NCAM2: variants seen among roughly 807,000 people sequenced by gnomAD.
The protein encoded by NCAM2 is N-CAM-2.
A neutral mutation model predicts 98.1 loss-of-function variants in NCAM2; 30 were observed. The observed-to-expected ratio is 0.31, with a 90% CI of 0.23 to 0.41. The LOEUF (loss-of-function observed/expected upper bound fraction) is 0.41. NCAM2 is among the 10% of genes least tolerant of loss of function. The pLI is 1.00. For synonymous variants in NCAM2, 368 were observed against 342.4 expected (o/e 1.07, Z -0.83); for missense variants, 867 against 1,005.8 (o/e 0.86, Z 1.87).
intron 1 of NCAM2, among the ~76,000 whole-genome samples, chr21:21,062,650 A>G (rs1212446882): frequency 6.6e-6 from 1 of 152,180 alleles, no homozygotes; most frequent in Non-Finnish European, 1.5e-5. Context: ...GGTACTTTGT[A>G]ATGGCAGTCC....
At chr21:21,216,627 A>G (rs543398716) in intron 1 of NCAM2, among the ~76,000 whole-genome samples, 2 of 152,300 alleles carry the variant, frequency 1.3e-5, no homozygotes, top group South Asian at 4.1e-4. Context: ...GTCCTTAGCC[A>G]GGGGCTGAAC....
chr21:21,458,247 A>T (rs1387303581), intron 12 of NCAM2, among the ~76,000 whole-genome samples: 3 of 152,214 alleles, frequency 2.0e-5, no homozygotes. Context: ...GTGCCCCTTC[A>T]GAGAACATAG....
intron 15 of NCAM2, among the ~76,000 whole-genome samples, chr21:21,508,232 A>C (rs1020877612): frequency 6.6e-6 from 1 of 152,132 alleles, no homozygotes; most frequent in African/African-American, 2.4e-5. Context: ...CTTTAATCTA[A>C]TATATTTGTT....
chr21:21,008,871 A>G (rs1282522331), intron 1 of NCAM2, among the ~76,000 whole-genome samples: 1 of 152,132 alleles, frequency 6.6e-6, no homozygotes, highest in Non-Finnish European at 1.5e-5. Context: ...CTCATTGCTC[A>G]TTACTGTGCA....
chr21:21,496,205 A>G (rs1182742097), intron 15 of NCAM2, among the ~76,000 whole-genome samples: 1 of 151,856 alleles, frequency 6.6e-6, no homozygotes, highest in African/African-American at 2.4e-5. Flanking sequence ...TGCTTTCCTC[A>G]GTGGCTGGAC....
chr21:21,490,474 C>T (rs765543178), intron 15 of NCAM2, among the ~76,000 whole-genome samples: 4 of 151,798 alleles, frequency 2.6e-5, no homozygotes, highest in Non-Finnish European at 5.9e-5. Context: ...TTCAATTAGT[C>T]TTTATCATTT....
intron 1 of NCAM2, among the ~76,000 whole-genome samples, chr21:21,149,058 T>TAATA (rs1555891706): frequency 6.6e-6 from 1 of 152,194 alleles, no homozygotes; most frequent in African/African-American, 2.4e-5. Context: ...TGGACTCTGT[T>TAATA]ATGTTCCATG....
intron 1 of NCAM2, among the ~76,000 whole-genome samples, chr21:21,241,797 A>G (rs540097082): frequency 2.0e-4 from 31 of 152,234 alleles, no homozygotes; most frequent in Non-Finnish European, 4.0e-4. Flanking sequence ...CATAGAGAAC[A>G]TTTTGGTTTT....
At chr21:21,008,045 C>A (rs2064142516) in intron 1 of NCAM2, among the ~76,000 whole-genome samples, 1 of 152,086 alleles carries the variant, frequency 6.6e-6, no homozygotes, top group South Asian at 2.1e-4. Context: ...TTTCTATGTT[C>A]TAGCAGTAAC....
intron 16 of NCAM2, among the ~76,000 whole-genome samples, chr21:21,532,748 TA>T (rs1329526541): frequency 2.6e-5 from 4 of 152,112 alleles, no homozygotes; most frequent in African/African-American, 9.7e-5. Context: ...CAGAATTTTT[TA>T]AAAGAATCAA....
At chr21:21,071,286 A>C (rs538672430) in intron 1 of NCAM2, among the ~76,000 whole-genome samples, 59 of 152,194 alleles carry the variant, frequency 3.9e-4, no homozygotes, top group Non-Finnish European at 7.3e-4. Context: ...ACAAATGAGA[A>C]ACATGTGCCT....
intron 1 of NCAM2, chr21:21,226,801 C>A (rs550659159): frequency 2.6e-5 from 4 of 152,110 alleles, no homozygotes; most frequent in South Asian, 4.1e-4. Flanking sequence ...AAACAGAGCT[C>A]TTATAATTCA....
At chr21:21,441,616 G>T (rs532325803) in intron 12 of NCAM2, among the ~76,000 whole-genome samples, 1 of 152,278 alleles carries the variant, frequency 6.6e-6, no homozygotes, top group Non-Finnish European at 1.5e-5. Context: ...AAGGGAAGAA[G>T]AGAGGGATTG....
intron 1 of NCAM2, among the ~76,000 whole-genome samples, chr21:21,087,320 A>C (rs2065924555): frequency 1.3e-5 from 2 of 152,142 alleles, no homozygotes; most frequent in African/African-American, 4.8e-5. Context: ...GAGATTGGCC[A>C]ATGGTGAGCC....
intron 15 of NCAM2, among the ~76,000 whole-genome samples, chr21:21,487,967 A>G (rs1264067297): frequency 6.6e-6 from 1 of 152,098 alleles, no homozygotes; most frequent in Non-Finnish European, 1.5e-5. Context: ...CTCTATATTC[A>G]TATTATTTCC....
At chr21:21,214,796 T>C (rs975863647) in intron 1 of NCAM2, among the ~76,000 whole-genome samples, 1 of 145,228 alleles carries the variant, frequency 6.9e-6, no homozygotes, top group Non-Finnish European at 1.5e-5. Context: ...TATATATACA[T>C]ATAGGTATAT....
chr21:21,395,177 C>CA (rs890052575), intron 9 of NCAM2, among the ~76,000 whole-genome samples: 6 of 151,618 alleles, frequency 4.0e-5, no homozygotes, highest in African/African-American at 7.3e-5. Context: ...ATTAAGAATA[C>CA]AAAAAAAATT....
At chr21:21,491,850 A>G (rs1430525309) in intron 15 of NCAM2, among the ~76,000 whole-genome samples, 1 of 151,560 alleles carries the variant, frequency 6.6e-6, no homozygotes, top group Non-Finnish European at 1.5e-5. Context: ...TATATATTGT[A>G]ATACTTATAC....
chr21:21,373,755 T>C, intron 8 of NCAM2, 108 bp from the exon 9 acceptor site: 1 of 1,034,092 alleles, frequency 9.7e-7, no homozygotes, highest in East Asian at 2.8e-5. Context: ...CAGTTTCTTT[T>C]TTCTTTTTGC....
Sources: allele counts gnomAD v4.1 joint callset (sites outside exome capture counted in the v4.1 genomes callset), GRCh38; gene constraint gnomAD v4.1.1; transcripts MANE v1.5; gene names NCBI Gene and HGNC (gene_info 2026-07-23, HGNC 2026-07-21).